MBD5: variants seen among roughly 807,000 people sequenced by gnomAD.
The protein encoded by MBD5 is methyl-CpG-binding domain protein 5.
A neutral mutation model predicts 117.3 loss-of-function variants in MBD5; 13 were observed. The ratio of observed to expected loss-of-function variants is 0.11; its 90% CI spans 0.07 to 0.18. The LOEUF (loss-of-function observed/expected upper bound fraction) is 0.18, where lower values mean the gene tolerates loss of function less well. MBD5 is among the 10% of genes least tolerant of loss of function. The pLI, the probability that MBD5 is intolerant of heterozygous loss-of-function variation, is 1.00. For missense variants in MBD5, 1,879 were observed against 2,093.8 expected (o/e 0.90, Z 2.00); for synonymous variants, 727 against 766.4 (o/e 0.95, Z 0.85).
chr2:148,237,745 T>A (rs2106173452), intron 3 of MBD5, among the ~76,000 whole-genome samples: 1 of 152,120 alleles, frequency 6.6e-6, no homozygotes, highest in African/African-American at 2.4e-5. Context: ...CAGTGCAGAG[T>A]TGTCACAAAA....
At chr2:148,281,176 C>T (rs953940952) in intron 3 of MBD5, among the ~76,000 whole-genome samples, 1 of 152,136 alleles carries the variant, frequency 6.6e-6, no homozygotes, top group Admixed American at 6.5e-5. Context: ...ACATTCTTAT[C>T]TGCTATGCCT....
chr2:148,283,785 C>T (rs544927046), intron 3 of MBD5, among the ~76,000 whole-genome samples: 20 of 152,284 alleles, frequency 1.3e-4, no homozygotes, highest in African/African-American at 4.8e-4. Flanking sequence ...AAATTTCTGC[C>T]TCTGGGAGCC....
intron 4 of MBD5, among the ~76,000 whole-genome samples, chr2:148,380,879 G>A (rs975716742): frequency 2.6e-5 from 4 of 152,170 alleles, no homozygotes; most frequent in African/African-American, 9.7e-5. Context: ...TGGACCTCCA[G>A]TAAACTGCAA....
intron 1 of MBD5, among the ~76,000 whole-genome samples, chr2:148,172,136 CA>C (rs962858674): frequency 6.6e-6 from 1 of 152,142 alleles, no homozygotes; most frequent in Non-Finnish European, 1.5e-5. Flanking sequence ...AATCCAGCTG[CA>C]GGGGGGGAGG....
chr2:148,378,968 A>G (rs1008237964), intron 4 of MBD5, among the ~76,000 whole-genome samples: 1 of 152,062 alleles, frequency 6.6e-6, no homozygotes, highest in Non-Finnish European at 1.5e-5. Flanking sequence ...ATGACACAGA[A>G]CATAGCATAG....
intron 3 of MBD5, among the ~76,000 whole-genome samples, chr2:148,339,001 C>A (rs1005554300): frequency 6.6e-6 from 1 of 152,100 alleles, no homozygotes; most frequent in Non-Finnish European, 1.5e-5. Flanking sequence ...GCACTCGTGA[C>A]AACGTGGAGA....
intron 3 of MBD5, among the ~76,000 whole-genome samples, chr2:148,327,826 C>G (rs904950787): frequency 6.6e-6 from 1 of 152,198 alleles, no homozygotes; most frequent in African/African-American, 2.4e-5. Context: ...TCGTCTGAAG[C>G]CTTCTTCTCT....
intron 4 of MBD5, among the ~76,000 whole-genome samples, chr2:148,389,783 C>T (rs1704509865): frequency 6.6e-6 from 1 of 151,822 alleles, no homozygotes; most frequent in African/African-American, 2.4e-5. Flanking sequence ...TGGAGTTATT[C>T]ACTTTTTTCT....
At chr2:148,199,866 C>G (rs1199421326) in intron 2 of MBD5, among the ~76,000 whole-genome samples, 1 of 152,038 alleles carries the variant, frequency 6.6e-6, no homozygotes, top group Non-Finnish European at 1.5e-5. Flanking sequence ...CAAAAAGAAA[C>G]TATCATATGC....
At chr2:148,064,268 A>G (rs1471509347) in intron 1 of MBD5, among the ~76,000 whole-genome samples, 1 of 151,516 alleles carries the variant, frequency 6.6e-6, no homozygotes, top group African/African-American at 2.4e-5. Flanking sequence ...GGTGCCCGCC[A>G]CCACGCCCGG....
At chr2:148,293,533 A>AT (rs1004545734) in intron 3 of MBD5, among the ~76,000 whole-genome samples, 19 of 152,066 alleles carry the variant, frequency 1.2e-4, no homozygotes, top group Non-Finnish European at 2.6e-4. Flanking sequence ...ACCTACAATA[A>AT]TTTTTTTGAA....
intron 3 of MBD5, among the ~76,000 whole-genome samples, chr2:148,333,145 CA>C (rs780572893): frequency 6.6e-6 from 1 of 151,742 alleles, no homozygotes; most frequent in Non-Finnish European, 1.5e-5. Flanking sequence ...AACATTTTTT[CA>C]AATTTTATGT....
intron 3 of MBD5, among the ~76,000 whole-genome samples, chr2:148,325,229 C>T (rs1181343794): frequency 6.6e-5 from 10 of 152,214 alleles, no homozygotes; most frequent in East Asian, 1.9e-4. Context: ...CTGTTGGATT[C>T]GGTTTGCCAG....
chr2:148,195,273 A>G lies in MBD5; in HGVS notation c.-831+16480A>G, dbSNP rs147360971. On this transcript the variant is annotated intron_variant, in intron 2 of 13. Transcript: ENST00000642680. ...AGAAAGTCAAGGTGGCTAAAATAATATGAGAAAAAGTATATGTCTGGACAA... is the reference window on the plus strand; with the variant it reads ...AGAAAGTCAAGGTGGCTAAAATAATGTGAGAAAAAGTATATGTCTGGACAA... Among the ~76,000 whole-genome samples, 24 of 152,302 alleles carry G rather than the reference A, an allele frequency of 1.6e-4. No homozygotes were observed. The East Asian group carries it at 3.9e-3, about 24-fold the overall frequency.
intron 2 of MBD5, among the ~76,000 whole-genome samples, chr2:148,220,440 A>G (rs1297561539): frequency 6.6e-6 from 1 of 152,166 alleles, no homozygotes; most frequent in Admixed American, 6.5e-5. Flanking sequence ...TGTGGAAGAG[A>G]CAAGAAATTA....
intron 3 of MBD5, among the ~76,000 whole-genome samples, chr2:148,328,636 A>G (rs1004454539): frequency 6.6e-6 from 1 of 152,216 alleles, no homozygotes; most frequent in Non-Finnish European, 1.5e-5. Flanking sequence ...TTCTTTGACT[A>G]GGAAAGGGAA....
chr2:148,208,831 T>G (rs1699348580), intron 2 of MBD5, among the ~76,000 whole-genome samples: 1 of 152,116 alleles, frequency 6.6e-6, no homozygotes, highest in Non-Finnish European at 1.5e-5. Context: ...AGCAAATATT[T>G]CCATGAATTA....
chr2:148,137,874 G>A (rs1369908626), intron 1 of MBD5, among the ~76,000 whole-genome samples: 1 of 152,184 alleles, frequency 6.6e-6, no homozygotes, highest in African/African-American at 2.4e-5. Context: ...TTGTAGCCTA[G>A]GAGCAATGGG....
intron 4 of MBD5, among the ~76,000 whole-genome samples, chr2:148,390,582 T>TATAC (rs1704543297): frequency 1.3e-5 from 2 of 148,628 alleles, no homozygotes; most frequent in African/African-American, 5.0e-5. Flanking sequence ...TATATATATA[T>TATAC]ACATACTTTT....
Sources: gnomAD v4.1 joint callset for allele counts (sites outside exome capture counted in the v4.1 genomes callset) on GRCh38, gnomAD v4.1.1 for gene constraint, MANE v1.5 for transcripts, NCBI Gene and HGNC (gene_info 2026-07-23, HGNC 2026-07-21) for gene names.